The following PRKAG2 variants were observed in gnomAD, a reference collection of about 807,000 sequenced individuals.
PRKAG2 encodes the protein 5'-AMP-activated protein kinase subunit gamma-2.
Under a neutral mutation model 69.6 loss-of-function variants are expected in PRKAG2, and 26 were observed. The observed-to-expected ratio is 0.37, with a 90% CI of 0.27 to 0.52. The LOEUF is 0.52. Among genes scored for constraint, PRKAG2 ranks in the 20% least tolerant of loss-of-function variants. PRKAG2 has a pLI of 0.90. For missense variants in PRKAG2, 557 were observed against 740.0 expected (o/e 0.75, Z 2.87); for synonymous variants, 293 against 285.0 (o/e 1.03, Z -0.28).
At chr7:151,679,388 T>G (rs1006015390) in intron 3 of PRKAG2, among the ~76,000 whole-genome samples, 1 of 152,098 alleles carries the variant, frequency 6.6e-6, no homozygotes, top group Non-Finnish European at 1.5e-5. Context: ...CTCGTCCTGG[T>G]CCCACAATGC....
intron 5 of PRKAG2, among the ~76,000 whole-genome samples, chr7:151,607,890 G>A (rs12111965): frequency 6.6e-6 from 1 of 152,090 alleles, no homozygotes; most frequent in Admixed American, 6.5e-5. Flanking sequence ...CAAAAAGACA[G>A]GTCCACTGGA....
chr7:151,773,023 AAGAGAGAGAGAGAGAGAGAGAGAG>A (rs1163334410), intron 3 of PRKAG2, among the ~76,000 whole-genome samples: 7 of 55,056 alleles, frequency 1.3e-4, no homozygotes, highest in African/African-American at 5.4e-4. Flanking sequence ...GAAAGAAAGA[AAGAGAGAGAGAGAGAGAGAGAGAG>A]AGAGAGGGAG....
rs73475418 is a variant in PRKAG2 at position 151,565,590 on chromosome 7, T to C, written c.1399+130A>G. ...CTTTTTTTACGATCCTGCGTGCCCCTTGGTGCTGAATTTATTCACCATACC... is the reference window on the plus strand; with the variant it reads ...CTTTTTTTACGATCCTGCGTGCCCCCTGGTGCTGAATTTATTCACCATACC... On this transcript the variant is annotated intron_variant, in intron 12 of 15. Transcript: ENST00000287878. The C allele has an allele frequency of 1.9e-3, 2,552 of 1,311,020 alleles. 45 individuals carry two copies. In the African/African-American group the frequency reaches 0.032, roughly 16 times the overall value. 81.2% of individuals were successfully genotyped at this position (1,311,020 alleles called of 1,614,324 possible). A position where few individuals can be genotyped will look rare whatever the true frequency, so the allele number is the denominator to read the frequency against.
In PRKAG2 at chr7:151,874,426, GTA is replaced by G. The variant is rs1211284412; in HGVS notation, c.114+2079_114+2080del. 8.0e-5 allele frequency among the ~76,000 whole-genome samples: 5 copies of G among 62,112 alleles called. No individual in the cohort carries two copies. In the East Asian group the frequency reaches 1.7e-3, roughly 21 times the overall value. The allele number at this position is 62,112 out of a possible 152,430, so 40.7% of individuals were successfully genotyped here. ...ATATGTATATGATGTATATGTATAT[GTA>G]TATGATGTATATGTATATGTATATG... On this transcript the variant is annotated intron_variant, in intron 1 of 15. Coordinates refer to ENST00000287878, the MANE Select transcript of PRKAG2 (RefSeq NM_016203.4).
chr7:151,749,326 C>G (rs1453648216), intron 3 of PRKAG2, among the ~76,000 whole-genome samples: 2 of 152,138 alleles, frequency 1.3e-5, no homozygotes, highest in Admixed American at 1.3e-4. Flanking sequence ...ATCCTGATGC[C>G]CCATTTCTTT....
At position 151,835,379 on chromosome 7, in the gene PRKAG2, G is replaced by C. The variant is rs1338592965; in HGVS notation, c.114+41128C>G. Among the ~76,000 whole-genome samples the C allele has an allele frequency of 6.6e-6, 1 of 151,700 alleles. No homozygotes were observed. The highest frequency in any genetic ancestry group is 1.5e-5 in the Non-Finnish European group (1 of 67,956). On this transcript the variant is annotated intron_variant, in intron 1 of 15. Coordinates refer to ENST00000287878, the MANE Select transcript of PRKAG2 (RefSeq NM_016203.4). This position sits in a 1 kb window ranked among gnomAD's most constrained non-coding sequence, Gnocchi z 4.1. ...TTTTTATTATTTTTAATTTTTTGTA[G>C]AGACGGGTCTCCCTATGTTGCCCAG...
chr7:151,795,883 ATATATAT>A lies in PRKAG2; in HGVS notation c.115-9349_115-9343del, dbSNP rs1563689759. Among the ~76,000 whole-genome samples the A allele has an allele frequency of 8.5e-4, 98 of 115,566 alleles. 2 individuals are homozygous for A. The highest frequency in any genetic ancestry group is 3.1e-3 in the African/African-American group (88 of 28,778). 75.8% of individuals were successfully genotyped at this position (115,566 alleles called of 152,430 possible). On this transcript the variant is annotated intron_variant, in intron 1 of 15. Transcript: ENST00000287878. ...TATATATATATATATATATATATAT[ATATATAT>A]CACGATAATATGTATATGTAATCAT...
intron 3 of PRKAG2, among the ~76,000 whole-genome samples, chr7:151,727,712 C>T (rs1215787047): frequency 2.8e-5 from 4 of 144,336 alleles, no homozygotes; most frequent in South Asian, 2.5e-4. Flanking sequence ...GGCCCAGGAG[C>T]GAGAAGGAGG....
At chr7:151,773,011 AAGAAAGAAAGAAAGAG>A (rs1200712345) in intron 3 of PRKAG2, among the ~76,000 whole-genome samples, 1 of 16,438 alleles carries the variant, frequency 6.1e-5, no homozygotes, top group East Asian at 2.8e-3. Context: ...GAAAGAAAGA[AAGAAAGAAAGAAAGAG>A]AGAGAGAGAG....
intron 3 of PRKAG2, chr7:151,736,019 G>A (rs1050304444): frequency 7.2e-6 from 11 of 1,536,116 alleles, no homozygotes; most frequent in African/African-American, 1.4e-5. Context: ...CAGGAGTGGC[G>A]ACAGGTGAAC....
intron 6 of PRKAG2, among the ~76,000 whole-genome samples, chr7:151,577,597 C>A (rs938369943): frequency 1.3e-5 from 2 of 152,102 alleles, no homozygotes; most frequent in African/African-American, 2.4e-5. Flanking sequence ...TCAAGAATCA[C>A]AAAGTATTCA....
At chr7:151,808,619 ATCT>A (rs1157818903) in intron 1 of PRKAG2, among the ~76,000 whole-genome samples, 1 of 152,070 alleles carries the variant, frequency 6.6e-6, no homozygotes, top group African/African-American at 2.4e-5. Context: ...ATCCGCTGAC[ATCT>A]TTTCTCCCCA....
At chr7:151,563,782 A>T (rs755298861) in intron 14 of PRKAG2, among the ~76,000 whole-genome samples, 3 of 152,216 alleles carry the variant, frequency 2.0e-5, no homozygotes, top group Non-Finnish European at 2.9e-5. Flanking sequence ...AGGTCTTATT[A>T]TGTCGTCCAC....
intron 5 of PRKAG2, among the ~76,000 whole-genome samples, chr7:151,607,266 A>T (rs1235373419): frequency 6.6e-6 from 1 of 151,802 alleles, no homozygotes; most frequent in Non-Finnish European, 1.5e-5. Context: ...CTGATTACAT[A>T]ATATGCTTGT....
At chr7:151,709,842 T>C (rs1205922462) in intron 3 of PRKAG2, among the ~76,000 whole-genome samples, 1 of 152,026 alleles carries the variant, frequency 6.6e-6, no homozygotes, top group Non-Finnish European at 1.5e-5. Flanking sequence ...GAGTGATGTG[T>C]GACATTGAGT....
intron 5 of PRKAG2, among the ~76,000 whole-genome samples, chr7:151,622,467 C>T (rs181146074): frequency 1.5e-4 from 23 of 152,334 alleles, no homozygotes; most frequent in South Asian, 2.1e-4. Context: ...AGAGCCATTA[C>T]AATAAGTCAC....
rs1365155642 is a variant in PRKAG2, at chr7:151,614,119, C to T, written c.754+17950G>A. On this transcript the variant is annotated intron_variant, in intron 5 of 15. Coordinates refer to ENST00000287878, the MANE Select transcript of PRKAG2 (RefSeq NM_016203.4). The surrounding 1 kb of genome is among the most constrained non-coding windows in gnomAD (Gnocchi z 4.4). Reference sequence around the variant, plus strand: ...TCTCACTGGAGCCGACCAGGAGGTGCCCCGTTCCCACGGCTATGCTGAGCG... The same window carrying T: ...TCTCACTGGAGCCGACCAGGAGGTGTCCCGTTCCCACGGCTATGCTGAGCG... Among the ~76,000 whole-genome samples the T allele has an allele frequency of 2.0e-5, 3 of 152,174 alleles. No homozygotes were observed. The highest frequency in any genetic ancestry group is 2.1e-4 in the South Asian group (1 of 4,834).
At chr7:151,576,780 C>T (rs1295889386) in intron 6 of PRKAG2, among the ~76,000 whole-genome samples, 2 of 152,154 alleles carry the variant, frequency 1.3e-5, no homozygotes, top group Non-Finnish European at 2.9e-5. Flanking sequence ...GGATTACAGG[C>T]GTGAGCCACC....
At chr7:151,830,673 G>A (rs2079003338) in intron 1 of PRKAG2, among the ~76,000 whole-genome samples, 1 of 151,212 alleles carries the variant, frequency 6.6e-6, no homozygotes, top group African/African-American at 2.4e-5. Flanking sequence ...GGGGGGAAGA[G>A]GAACCAGAGC....
Sources: allele counts gnomAD v4.1 joint callset (sites outside exome capture counted in the v4.1 genomes callset), GRCh38; gene constraint gnomAD v4.1.1; non-coding constraint Gnocchi (gnomAD v3.1); transcripts MANE v1.5; gene names NCBI Gene and HGNC (gene_info 2026-07-23, HGNC 2026-07-21).